The following CASKIN1 variants were observed in gnomAD, a reference collection of about 807,000 sequenced individuals.
CASKIN1 encodes the protein caskin-1.
CASKIN1 carries 42 observed loss-of-function variants against 117.5 expected under a neutral mutation model. The ratio of observed to expected loss-of-function variants is 0.36; its 90% confidence interval spans 0.28 to 0.46. The LOEUF (loss-of-function observed/expected upper bound fraction) is 0.46. Among genes scored for constraint, CASKIN1 ranks in the 20% least tolerant of loss-of-function variants. The pLI is 1.00. For synonymous variants in CASKIN1, 1,148 were observed against 961.7 expected (o/e 1.19, Z -3.59); for missense variants, 2,083 against 2,077.3 (o/e 1.00, Z -0.05).
intron 1 of CASKIN1, among the ~76,000 whole-genome samples, chr16:2,190,937 A>G (rs1341304728): frequency 6.6e-6 from 1 of 152,118 alleles, no homozygotes; most frequent in Admixed American, 6.5e-5. Flanking sequence ...CCTCTGAGCA[A>G]CCTCACGCGA....
In CASKIN1 at chr16:2,184,252, C is replaced by T. The variant is rs555955480; in HGVS notation, c.1417-311G>A. Among the ~76,000 whole-genome samples, 16 of 152,178 alleles carry T rather than the reference C, an allele frequency of 1.1e-4. No homozygotes were observed. The East Asian group carries it at 2.5e-3, about 24-fold the overall frequency. The stretch of plus-strand genomic sequence containing the variant: ...CTGTCCCCTGCTCCTGCACCAGGGA[C>T]GCCCCACGCCATCTTGGGGATGCAG... On this transcript the variant is annotated intron_variant, in intron 14 of 19. Coordinates refer to ENST00000343516, the MANE Select transcript of CASKIN1 (RefSeq NM_020764.4).
chr16:2,189,336 G>A lies in CASKIN1; in HGVS notation c.391-3C>T. ...TGGTGCTGTAGCAGCATCTCAGACTGGGGGCCAAGGGCGCAGTCAGGTCCG... is the reference window on the plus strand; with the variant it reads ...TGGTGCTGTAGCAGCATCTCAGACTAGGGGCCAAGGGCGCAGTCAGGTCCG... On this transcript the variant is annotated splice_polypyrimidine_tract_variant and splice_region_variant and intron_variant, in intron 4 of 19. Transcript: ENST00000343516. 1.9e-6 allele frequency: 3 copies of A among 1,612,846 alleles called. No homozygotes were observed. The highest frequency in any genetic ancestry group is 2.5e-6 in the Non-Finnish European group (3 of 1,179,862).
In CASKIN1 at chr16:2,177,746, C is replaced by A. The variant is rs1450229407; in HGVS notation, c.*804G>T. 4.1e-6 allele frequency: 1 copy of A among 244,136 alleles called. No individual in the cohort carries two copies. The highest frequency in any genetic ancestry group is 8.1e-6 in the Non-Finnish European group (1 of 124,142). The allele number at this position is 244,136 out of a possible 1,614,324, so 15.1% of individuals were successfully genotyped here. ...CCCACATTCACCAAACCCACCCGCG[C>A]CCTGGGACGCAGCCACGCCAGGAGG... On this transcript the variant is annotated 3_prime_UTR_variant, in exon 20 of 20. Transcript: ENST00000343516.
rs1299999899 is a variant in CASKIN1 at position 2,189,467 on chromosome 16, C to T, written c.342G>A (p.Glu114=). ...CCGCCAGGTGCAGGGGGATGTGGCC[C>T]TCATCAGACGGGATGTTCACGGCCG... The part of the protein sequence containing the change: ...AGSAVNIPSD[E]GHIPLHLAAQ... The change falls in exon 4 of 20, where the codon GAG becomes GAA. Residue 114 remains glutamate, a synonymous_variant. Coordinates refer to ENST00000343516, the MANE Select transcript of CASKIN1 (RefSeq NM_020764.4). 3.1e-6 allele frequency: 5 copies of T among 1,612,260 alleles called. No homozygotes were observed. Among genetic ancestry groups the T allele is most frequent in the Non-Finnish European group, 4.2e-6 (5 of 1,179,818 alleles).
At position 2,186,825 on chromosome 16, in the gene CASKIN1, C is replaced by G; in HGVS notation, c.931-1G>C. 1 of 1,612,904 alleles carries G rather than the reference C, an allele frequency of 6.2e-7. No individual in the cohort carries two copies. The highest frequency in any genetic ancestry group is 2.2e-5 in the East Asian group (1 of 44,866). On this transcript the variant is annotated splice_acceptor_variant, in intron 9 of 19. Coordinates refer to ENST00000343516, the MANE Select transcript of CASKIN1 (RefSeq NM_020764.4). LOFTEE classifies it high-confidence loss of function. The stretch of plus-strand genomic sequence containing the variant: ...GGCCATCCGGATGCTGCTCGAGGAC[C>G]TGGCCAGTAAGGTGGGGGGCGCTCA...
intron 3 of CASKIN1, 146 bp downstream of exon 3, chr16:2,189,927 T>C (rs2093196411): frequency 3.1e-6 from 2 of 652,378 alleles, no homozygotes; most frequent in Non-Finnish European, 5.1e-6. Flanking sequence ...ACCCCTGGCC[T>C]CCAGGACCCT....
chr16:2,184,676 C>T (rs1477882427), intron 14 of CASKIN1, 101 bp downstream of exon 14: 17 of 1,067,582 alleles, frequency 1.6e-5, no homozygotes, highest in South Asian at 2.2e-5. Flanking sequence ...CCCCCGACCC[C>T]GCCGCTGCCA....
Position 2,183,844 on chromosome 16 carries a change from C to G in CASKIN1, c.1514G>C (p.Arg505Pro). ...SAGYDLPTIS[R>P]MTPEDLTAIG... ...TGGAAAGCTCACCTCGGGAGTCATG[C>G]GGCTGATGGTGGGCAGGTCGTAGCC... Residue 505 changes from arginine to proline, a missense_variant, in exon 15 of 20, where the codon CGC (arginine) becomes CCC (proline). Physicochemically the swap from Arg to Pro is moderately radical, Grantham distance 103. Transcript: ENST00000343516. 1 of 1,612,642 alleles carries G rather than the reference C, an allele frequency of 6.2e-7. No individual in the cohort carries two copies. The highest frequency in any genetic ancestry group is 8.5e-7 in the Non-Finnish European group (1 of 1,179,636).
intron 3 of CASKIN1, 104 bp from the exon 4 acceptor site, chr16:2,189,668 G>A: frequency 7.2e-6 from 8 of 1,118,868 alleles, no homozygotes; most frequent in Non-Finnish European, 1.0e-5. Flanking sequence ...TCCAACCCTG[G>A]GGGGTGGGAG....
Position 2,178,350 on chromosome 16 carries a change from G to A in CASKIN1, c.*200C>T. On this transcript the variant is annotated 3_prime_UTR_variant, in exon 20 of 20. Transcript: ENST00000343516. ...CAGCAGGTGGGGAGGACCCGCGGGC[G>A]CAGGGTCTGCCTAGAGCCCTTGGAG... The A allele has an allele frequency of 2.2e-6, 1 of 459,034 alleles. No homozygotes were observed. The highest frequency in any genetic ancestry group is 3.9e-6 in the Non-Finnish European group (1 of 258,970). 28.4% of individuals were successfully genotyped at this position (459,034 alleles called of 1,614,324 possible).
rs775494645 is a variant in CASKIN1 at position 2,177,210 on chromosome 16, G to A, written c.*1340C>T. ...TTCCTGCTGTTTATTGACAGCCGAC[G>A]GCAGCGCCTTGCCCAGACCTCCCCT... is the stretch of plus-strand genomic sequence containing the variant. On this transcript the variant is annotated 3_prime_UTR_variant, in exon 20 of 20. Coordinates refer to ENST00000343516, the MANE Select transcript of CASKIN1 (RefSeq NM_020764.4). The A allele has an allele frequency of 1.7e-4, 41 of 245,104 alleles. No individual in the cohort carries two copies. The highest frequency in any genetic ancestry group is 3.0e-4 in the Non-Finnish European group (37 of 123,604). The allele number at this position is 245,104 out of a possible 1,614,324, so 15.2% of individuals were successfully genotyped here.
rs904572576 is a variant in CASKIN1, at chr16:2,187,046, C to T, written c.862G>A (p.Ala288Thr). The part of the protein sequence containing the change: ...REASAALQVR[A>T]TKDYCNNYDL... ...TAATTGTTGCAATAATCCTTGGTCG[C>T]CCGGACCTGCAGGGCCGCTGAGGCC... Residue 288 changes from alanine to threonine, a missense_variant, in exon 9 of 20, where the codon GCG becomes ACG. Physicochemically the swap from Ala to Thr is moderately conservative, Grantham distance 58 (BLOSUM62 0). Transcript: ENST00000343516. 1 of 1,613,732 alleles carries T rather than the reference C, an allele frequency of 6.2e-7. No homozygotes were observed. Among genetic ancestry groups the T allele is most frequent in the Non-Finnish European group, 8.5e-7 (1 of 1,179,928 alleles).
In CASKIN1 at chr16:2,180,672, A is replaced by G. The variant is rs1235157945; in HGVS notation, c.2696T>C (p.Leu899Pro). Reference protein sequence around the residue: ...SDSEPERDELLVPAAAGPYAT... With the variant: ...SDSEPERDELPVPAAAGPYAT... Reference sequence around the variant, plus strand: ...ATAGGGGCCGGCAGCCGCAGGCACCAGCAGCTCGTCCCGCTCCGGCTCGCT... The same window carrying G: ...ATAGGGGCCGGCAGCCGCAGGCACCGGCAGCTCGTCCCGCTCCGGCTCGCT... Residue 899 changes from leucine (L) to proline (P), a missense_variant, in exon 18 of 20, where the codon CTG (leucine) becomes CCG (proline). Coordinates refer to ENST00000343516, the MANE Select transcript of CASKIN1 (RefSeq NM_020764.4). 3 of 1,518,908 alleles carry G rather than the reference A, an allele frequency of 2.0e-6. No individual in the cohort carries two copies. 94.1% of individuals were successfully genotyped at this position (1,518,908 alleles called of 1,614,324 possible).
At chr16:2,195,110 T>C (rs2093211827) in intron 1 of CASKIN1, among the ~76,000 whole-genome samples, 2 of 152,234 alleles carry the variant, frequency 1.3e-5, no homozygotes, top group African/African-American at 4.8e-5. Context: ...AGGCTGCCTC[T>C]GCCCACAAGC....
chr16:2,191,885 C>G (rs78358536), intron 1 of CASKIN1, among the ~76,000 whole-genome samples: 3,480 of 152,350 alleles, frequency 0.023, 119 homozygotes, highest in African/African-American at 0.077. Flanking sequence ...CAACCTGGTC[C>G]AGGCCGGCAT....
At position 2,179,562 on chromosome 16, in the gene CASKIN1, T is replaced by C; in HGVS notation, c.3775+31A>G. 7.0e-7 allele frequency: 1 copy of C among 1,423,466 alleles called. No homozygotes were observed. Among genetic ancestry groups the C allele is most frequent in the Non-Finnish European group, 9.1e-7 (1 of 1,093,434 alleles). 88.2% of individuals were successfully genotyped at this position (1,423,466 alleles called of 1,614,324 possible). On this transcript the variant is annotated intron_variant, in intron 18 of 19. Coordinates refer to ENST00000343516, the MANE Select transcript of CASKIN1 (RefSeq NM_020764.4). This position sits in a 1 kb window ranked among gnomAD's most constrained non-coding sequence, Gnocchi z 5.8. ...AGTAAGGAGGTGGAGCAGGGTCCTG[T>C]TGCCCCTTCACCCCACCCTGGCTGG...
rs1048192545 is a variant in CASKIN1, at chr16:2,180,314, C to G, written c.3054G>C (p.Arg1018=). ...LELSSIGGGG[R]AARRPPEGHP... ...GGCCCTCAGGAGGCCTGCGGGCAGCCCGGCCCCCACCCCCAATGGAGGACA... is the reference window on the plus strand; with the variant it reads ...GGCCCTCAGGAGGCCTGCGGGCAGCGCGGCCCCCACCCCCAATGGAGGACA... Residue 1018 remains arginine, a synonymous_variant, in exon 18 of 20, where the codon CGG becomes CGC. Coordinates refer to ENST00000343516, the MANE Select transcript of CASKIN1 (RefSeq NM_020764.4). The G allele has an allele frequency of 6.3e-7, 1 of 1,593,788 alleles. No homozygotes were observed.
chr16:2,192,141 A>C (rs948626227), intron 1 of CASKIN1, among the ~76,000 whole-genome samples: 1 of 151,548 alleles, frequency 6.6e-6, no homozygotes, highest in African/African-American at 2.4e-5. Flanking sequence ...AAAATAAAGG[A>C]AAAAAAAAGT....
At position 2,178,327 on chromosome 16, in the gene CASKIN1, G is replaced by A; in HGVS notation, c.*223C>T. On this transcript the variant is annotated 3_prime_UTR_variant, in exon 20 of 20. Coordinates refer to ENST00000343516, the MANE Select transcript of CASKIN1 (RefSeq NM_020764.4). The stretch of plus-strand genomic sequence containing the variant: ...CCCAGCAGGTATTGCACGGGGAGCA[G>A]CAGGTGGGGAGGACCCGCGGGCGCA... 2.2e-6 allele frequency: 1 copy of A among 446,742 alleles called. No individual in the cohort carries two copies. Among genetic ancestry groups the A allele is most frequent in the Non-Finnish European group, 4.0e-6 (1 of 250,818 alleles). 27.7% of individuals were successfully genotyped at this position (446,742 alleles called of 1,614,324 possible).
Sources: allele counts gnomAD v4.1 joint callset (sites outside exome capture counted in the v4.1 genomes callset), GRCh38; gene constraint gnomAD v4.1.1; non-coding constraint Gnocchi (gnomAD v3.1); transcripts MANE v1.5; gene names NCBI Gene and HGNC (gene_info 2026-07-23, HGNC 2026-07-21).